GRIA4: variants seen among roughly 807,000 people sequenced by gnomAD.
The protein encoded by GRIA4 is glutamate receptor 4.
GRIA4 carries 34 observed loss-of-function variants against 104.0 expected under a neutral mutation model. That is an observed-to-expected ratio of 0.33 (90% CI 0.25 to 0.44). The LOEUF is 0.44. Among genes scored for constraint, GRIA4 ranks in the 20% least tolerant of loss-of-function variants. The pLI, the probability that GRIA4 is intolerant of heterozygous loss-of-function variation, is 1.00. For synonymous variants in GRIA4, 386 were observed against 381.9 expected (o/e 1.01, Z -0.13); for missense variants, 750 against 1,096.5 (o/e 0.68, Z 4.46).
At chr11:105,965,947 A>T (rs768527681) in intron 14 of GRIA4, 2 of 1,587,590 alleles carry the variant, frequency 1.3e-6, no homozygotes. Flanking sequence ...TCGTTTCAAG[A>T]AATGCTGTTA....
rs149847136 is a variant in GRIA4, at chr11:105,966,483, T to G, written c.2295-5431T>G. Among the ~76,000 whole-genome samples, 121 of 152,256 alleles carry G rather than the reference T, an allele frequency of 7.9e-4. 1 individual carries two copies. The East Asian group carries it at 0.017, about 22-fold the overall frequency. On this transcript the variant is annotated intron_variant, in intron 14 of 16. Coordinates refer to ENST00000282499, the MANE Select transcript of GRIA4 (RefSeq NM_000829.4). Reference sequence around the variant, plus strand: ...TGCTTAGTATCAGCAATAACCTGACTCCACATAGACCTGTCTAGGGTGCCC... The same window carrying G: ...TGCTTAGTATCAGCAATAACCTGACGCCACATAGACCTGTCTAGGGTGCCC...
At chr11:105,817,325 A>G (rs1943418513) in intron 4 of GRIA4, among the ~76,000 whole-genome samples, 1 of 148,918 alleles carries the variant, frequency 6.7e-6, no homozygotes, top group Non-Finnish European at 1.5e-5. Flanking sequence ...AGAATTTTTG[A>G]GTATCTAGTA....
Position 105,975,219 on chromosome 11 carries a change from A to G in GRIA4, c.2544+775A>G, listed in dbSNP as rs147610772. Reference sequence around the variant, plus strand: ...ATTTATTAGATGAAATTCAACTTTTATGCTCAAAGTATCACTAAGGTAAAT... The same window carrying G: ...ATTTATTAGATGAAATTCAACTTTTGTGCTCAAAGTATCACTAAGGTAAAT... On this transcript the variant is annotated intron_variant, in intron 16 of 16. Coordinates refer to ENST00000282499, the MANE Select transcript of GRIA4 (RefSeq NM_000829.4). Among the ~76,000 whole-genome samples, 1,243 of 152,310 alleles carry G rather than the reference A, an allele frequency of 8.2e-3. 16 individuals carry two copies. The highest frequency in any genetic ancestry group is 0.029 in the African/African-American group (1,195 of 41,570).
At chr11:105,903,158 G>A (rs1249647215) in intron 7 of GRIA4, among the ~76,000 whole-genome samples, 3 of 152,108 alleles carry the variant, frequency 2.0e-5, no homozygotes, top group African/African-American at 4.8e-5. Flanking sequence ...CTAGGTTAAC[G>A]AAATGACTTT....
intron 3 of GRIA4, among the ~76,000 whole-genome samples, chr11:105,725,999 G>A (rs1475939444): frequency 2.6e-5 from 4 of 151,898 alleles, no homozygotes; most frequent in Non-Finnish European, 5.9e-5. Context: ...AGCTGCAGGA[G>A]TTTTTTTTCA....
At chr11:105,738,282 C>A (rs368420883) in intron 3 of GRIA4, among the ~76,000 whole-genome samples, 4 of 152,164 alleles carry the variant, frequency 2.6e-5, no homozygotes, top group African/African-American at 9.7e-5. Flanking sequence ...TCATGAATCT[C>A]AAATACCTTT....
intron 8 of GRIA4, 100 bp downstream of exon 8, chr11:105,904,081 C>A: frequency 1.3e-6 from 1 of 771,324 alleles, no homozygotes; most frequent in Non-Finnish European, 2.1e-6. Context: ...ATACATATTA[C>A]AATTGCTACT....
At chr11:105,880,164 C>T (rs1040028972) in intron 5 of GRIA4, among the ~76,000 whole-genome samples, 5 of 152,288 alleles carry the variant, frequency 3.3e-5, no homozygotes, top group African/African-American at 1.2e-4. Flanking sequence ...AACTCATAAT[C>T]ACAAATGCCA....
intron 7 of GRIA4, among the ~76,000 whole-genome samples, chr11:105,899,550 A>G (rs1206567350): frequency 6.6e-6 from 1 of 152,204 alleles, no homozygotes; most frequent in Non-Finnish European, 1.5e-5. Context: ...AACTCTTGGC[A>G]TGATGGTAGG....
At chr11:105,907,719 C>A (rs1947093052) in intron 9 of GRIA4, among the ~76,000 whole-genome samples, 2 of 152,140 alleles carry the variant, frequency 1.3e-5, no homozygotes, top group South Asian at 4.1e-4. Context: ...ATTGAGAGCA[C>A]ATTATATGCC....
intron 10 of GRIA4, among the ~76,000 whole-genome samples, chr11:105,914,639 C>T (rs941106532): frequency 6.6e-6 from 1 of 152,076 alleles, no homozygotes; most frequent in South Asian, 2.1e-4. Context: ...AGATGTAGAA[C>T]CCCATTCATT....
intron 4 of GRIA4, among the ~76,000 whole-genome samples, chr11:105,805,570 T>C (rs1176678731): frequency 6.7e-6 from 1 of 149,188 alleles, no homozygotes; most frequent in Non-Finnish European, 1.5e-5. Flanking sequence ...TTAGCCAAAG[T>C]CAAACATCAC....
intron 3 of GRIA4, among the ~76,000 whole-genome samples, chr11:105,662,339 A>G (rs1320495947): frequency 6.6e-6 from 1 of 151,872 alleles, no homozygotes; most frequent in African/African-American, 2.4e-5. Flanking sequence ...GCCTGTTTCT[A>G]AACTATAAGC....
At chr11:105,964,208 A>G (rs1034206230) in intron 14 of GRIA4, among the ~76,000 whole-genome samples, 1 of 152,210 alleles carries the variant, frequency 6.6e-6, no homozygotes, top group Non-Finnish European at 1.5e-5. Context: ...AAGTACATGC[A>G]TTATTTTACA....
intron 3 of GRIA4, among the ~76,000 whole-genome samples, chr11:105,641,856 A>G (rs1951370754): frequency 6.6e-6 from 1 of 152,190 alleles, no homozygotes; most frequent in Non-Finnish European, 1.5e-5. Context: ...TGTGGCTTAA[A>G]CAACAGAAAT....
chr11:105,948,998 T>G (rs1197520899), intron 14 of GRIA4, among the ~76,000 whole-genome samples: 1 of 152,178 alleles, frequency 6.6e-6, no homozygotes, highest in African/African-American at 2.4e-5. Context: ...TAGTTAAGAG[T>G]ATCACATTTC....
intron 3 of GRIA4, among the ~76,000 whole-genome samples, chr11:105,670,189 T>C (rs1448416841): frequency 6.6e-6 from 1 of 152,136 alleles, no homozygotes; most frequent in Non-Finnish European, 1.5e-5. Flanking sequence ...AATCTTAAGA[T>C]GTATTGTGCC....
intron 4 of GRIA4, among the ~76,000 whole-genome samples, chr11:105,804,848 T>C (rs889776539): frequency 3.9e-5 from 6 of 152,030 alleles, no homozygotes; most frequent in Middle Eastern, 6.8e-3. Context: ...ATCATTGCAG[T>C]GGGATTTTCA....
At chr11:105,855,019 T>C (rs1313442854) in intron 4 of GRIA4, among the ~76,000 whole-genome samples, 1 of 152,234 alleles carries the variant, frequency 6.6e-6, no homozygotes, top group Non-Finnish European at 1.5e-5. Context: ...ATGTAGTTTA[T>C]GAATACATTA....
Sources: gnomAD v4.1 joint callset for allele counts (sites outside exome capture counted in the v4.1 genomes callset) on GRCh38, gnomAD v4.1.1 for gene constraint, MANE v1.5 for transcripts, NCBI Gene and HGNC (gene_info 2026-07-23, HGNC 2026-07-21) for gene names.